Variants in MRM1 observed in about 807,000 individuals in gnomAD.
MRM1 encodes the protein rRNA methyltransferase 1, mitochondrial.
MRM1 carries 24 observed loss-of-function variants against 25.0 expected under a neutral mutation model. That is an observed-to-expected ratio of 0.96 (90% confidence interval 0.69 to 1.35). The LOEUF is 1.35. Among genes scored for constraint, MRM1 ranks in the 40% most tolerant of loss-of-function variants. The probability of loss-of-function intolerance (pLI) is 0.00; values close to 1 mark genes in which losing one functional copy is unlikely to be tolerated. For missense variants in MRM1, 431 were observed against 464.1 expected (o/e 0.93, Z 0.65); for synonymous variants, 188 against 199.2 (o/e 0.94, Z 0.47).
chr17:36,615,727 G>A, the MRM1 span, among the ~76,000 whole-genome samples: 1 of 152,006 alleles, frequency 6.6e-6, no homozygotes, highest in Non-Finnish European at 1.5e-5. Flanking sequence ...CAGGCGTGGT[G>A]GCTCATGCCT....
At chr17:36,615,784 T>C in the MRM1 span, among the ~76,000 whole-genome samples, 1 of 151,912 alleles carries the variant, frequency 6.6e-6, no homozygotes, top group African/African-American at 2.4e-5. Flanking sequence ...TCACCTGAGG[T>C]CAGAAGTTCA....
chr17:36,625,245 C>T, the MRM1 span, among the ~76,000 whole-genome samples: 1 of 152,140 alleles, frequency 6.6e-6, no homozygotes, highest in Non-Finnish European at 1.5e-5. Flanking sequence ...CTATTGCCTC[C>T]ACGATAAAGT....
chr17:36,604,449 CT>C (rs2074909625), intron 2 of MRM1, among the ~76,000 whole-genome samples: 1 of 152,226 alleles, frequency 6.6e-6, no homozygotes, highest in South Asian at 2.1e-4. Flanking sequence ...CCTCAACCCC[CT>C]GACTTCCGAG....
At chr17:36,616,560 C>T in the MRM1 span, among the ~76,000 whole-genome samples, 7 of 152,152 alleles carry the variant, frequency 4.6e-5, no homozygotes, top group Non-Finnish European at 1.0e-4. Flanking sequence ...GCCCTGAGGC[C>T]GACACACACT....
rs773285890 is a variant in MRM1, at chr17:36,602,386, C to T, written c.542+34C>T. On this transcript the variant is annotated intron_variant, in intron 1 of 4. Transcript: ENST00000614766. This position sits in a 1 kb window ranked among gnomAD's most constrained non-coding sequence, Gnocchi z 4.1. ...GTCCCTCATTCTCTATGTGCCCCAA[C>T]TTGGAGACGCAGCCGAGTTCCTAAG... 2 of 1,549,720 alleles carry T rather than the reference C, an allele frequency of 1.3e-6. No individual in the cohort carries two copies. Among genetic ancestry groups the T allele is most frequent in the South Asian group, 2.4e-5 (2 of 81,720 alleles).
chr17:36,610,319 G>C (rs571438156), downstream of MRM1, among the ~76,000 whole-genome samples: 1 of 151,096 alleles, frequency 6.6e-6, no homozygotes, highest in Non-Finnish European at 1.5e-5. Flanking sequence ...TGAAAGCTCT[G>C]CCTTCCGAGT....
the MRM1 span, among the ~76,000 whole-genome samples, chr17:36,633,063 A>G: frequency 6.6e-6 from 1 of 152,238 alleles, no homozygotes; most frequent in Non-Finnish European, 1.5e-5. Context: ...TATTTGGATA[A>G]TTACAAAACT....
chr17:36,608,150 C>A, intron 4 of MRM1, 93 bp from the exon 5 acceptor site: 1 of 1,521,340 alleles, frequency 6.6e-7, no homozygotes, highest in South Asian at 1.3e-5. Context: ...AATTACATCC[C>A]GTTGATGAGA....
At chr17:36,623,498 A>C in the MRM1 span, among the ~76,000 whole-genome samples, 2 of 152,264 alleles carry the variant, frequency 1.3e-5, no homozygotes, top group African/African-American at 2.4e-5. Flanking sequence ...GATGCTAATA[A>C]GTTATGTAGG....
chr17:36,629,210 G>T, the MRM1 span, among the ~76,000 whole-genome samples: 1 of 152,166 alleles, frequency 6.6e-6, no homozygotes, highest in African/African-American at 2.4e-5. Flanking sequence ...ATAGTGACAG[G>T]GCCCTGCAGG....
chr17:36,622,162 G>A, the MRM1 span, among the ~76,000 whole-genome samples: 2 of 152,104 alleles, frequency 1.3e-5, no homozygotes, highest in Admixed American at 6.5e-5. Context: ...GGCTGGGCTG[G>A]GATCTGAAAA....
the MRM1 span, among the ~76,000 whole-genome samples, chr17:36,620,294 G>T: frequency 8.1e-6 from 1 of 123,210 alleles, no homozygotes; most frequent in Non-Finnish European, 1.6e-5. Flanking sequence ...CAATAATTCT[G>T]CCTTTGGGTG....
chr17:36,607,437 A>T (rs1428023670), intron 2 of MRM1, among the ~76,000 whole-genome samples: 3 of 148,162 alleles, frequency 2.0e-5, no homozygotes, highest in Non-Finnish European at 4.4e-5. Context: ...CCAGGGCAAC[A>T]TGGCAAAACC....
In MRM1 at chr17:36,608,005, C is replaced by T; in HGVS notation, c.876C>T (p.Val292=). Residue 292 remains valine (V), a synonymous_variant, in exon 4 of 5, where the codon GTC becomes GTT. Coordinates refer to ENST00000614766, the MANE Select transcript of MRM1 (RefSeq NM_024864.5). ...QLPPGLESLN[V]SVAAGILLHS... ...CTCCTGGACTTGAGTCCTTGAACGT[C>T]TCTGTGGCTGCAGGTGAGTCTACTC... The T allele has an allele frequency of 4.3e-6, 7 of 1,614,160 alleles. No homozygotes were observed. The highest frequency in any genetic ancestry group is 5.9e-6 in the Non-Finnish European group (7 of 1,180,040).
the MRM1 span, among the ~76,000 whole-genome samples, chr17:36,620,345 G>A: frequency 2.0e-5 from 3 of 152,186 alleles, no homozygotes; most frequent in Non-Finnish European, 2.9e-5. Flanking sequence ...ACAGTTGAGG[G>A]AATGATGACG....
chr17:36,624,783 A>G, the MRM1 span, among the ~76,000 whole-genome samples: 1 of 151,964 alleles, frequency 6.6e-6, no homozygotes, highest in Non-Finnish European at 1.5e-5. The surrounding 1 kb of genome is among the most constrained non-coding windows in gnomAD (Gnocchi z 4.0). Context: ...TCCTTCTTGT[A>G]GCATAGGGAT....
chr17:36,603,804 A>C (rs2074904178), intron 2 of MRM1, among the ~76,000 whole-genome samples: 1 of 152,238 alleles, frequency 6.6e-6, no homozygotes, highest in Non-Finnish European at 1.5e-5. Flanking sequence ...TAATAGCCAC[A>C]TGTAGCTAGT....
Position 36,602,738 on chromosome 17 carries a change from G to A in MRM1, c.636+92G>A, listed in dbSNP as rs2074891675. 6.8e-7 allele frequency: 1 copy of A among 1,469,118 alleles called. No homozygotes were observed. 91.0% of individuals were successfully genotyped at this position (1,469,118 alleles called of 1,614,324 possible). On this transcript the variant is annotated intron_variant, in intron 2 of 4. Coordinates refer to ENST00000614766, the MANE Select transcript of MRM1 (RefSeq NM_024864.5). This position sits in a 1 kb window ranked among gnomAD's most constrained non-coding sequence, Gnocchi z 4.1. Reference sequence around the variant, plus strand: ...TAGCCCCTGGCGAGGGAGAGAAAGGGGCATGTTGGCACCGCTTCCTTTGGC... The same window carrying A: ...TAGCCCCTGGCGAGGGAGAGAAAGGAGCATGTTGGCACCGCTTCCTTTGGC...
chr17:36,601,754 G>C lies in MRM1; in HGVS notation c.-57G>C. ...GAGCCTGGGAGCGAACTGCGGCGCG[G>C]GTTACCGCTCCCGGGGACGCAGCAA... On this transcript the variant is annotated 5_prime_UTR_variant, in exon 1 of 5. Transcript: ENST00000614766. 1 of 1,492,168 alleles carries C rather than the reference G, an allele frequency of 6.7e-7. No homozygotes were observed. The highest frequency in any genetic ancestry group is 8.9e-7 in the Non-Finnish European group (1 of 1,124,896). 92.4% of individuals were successfully genotyped at this position (1,492,168 alleles called of 1,614,324 possible). A position where few individuals can be genotyped will look rare whatever the true frequency, so the allele number is the denominator to read the frequency against.
Sources: allele counts gnomAD v4.1 joint callset (sites outside exome capture counted in the v4.1 genomes callset), GRCh38; gene constraint gnomAD v4.1.1; non-coding constraint Gnocchi (gnomAD v3.1); transcripts MANE v1.5; gene names NCBI Gene and HGNC (gene_info 2026-07-23, HGNC 2026-07-21).